The following HDAC2 variants were observed in gnomAD, a reference collection of about 807,000 sequenced individuals.
The protein encoded by HDAC2 is YY1-associated factor 1.
In HDAC2, 5 loss-of-function variants were observed where a neutral mutation model predicts 68.5. The ratio of observed to expected loss-of-function variants is 0.07; its 90% confidence interval spans 0.04 to 0.15. The LOEUF is 0.15. Ranked by LOEUF, HDAC2 falls within the 10% of genes least tolerant of loss-of-function variation. The probability of loss-of-function intolerance (pLI) is 1.00; values close to 1 mark genes in which losing one functional copy is unlikely to be tolerated. For missense variants in HDAC2, 291 were observed against 600.8 expected (o/e 0.48, Z 5.39); for synonymous variants, 182 against 191.3 (o/e 0.95, Z 0.40).
intron 1 of HDAC2, among the ~76,000 whole-genome samples, chr6:113,962,704 C>A (rs543730800): frequency 6.6e-6 from 1 of 152,214 alleles, no homozygotes; most frequent in Admixed American, 6.5e-5. Context: ...AGGCTCACAC[C>A]CGTAATCCCA....
chr6:113,970,484 G>A (rs764421134), intron 1 of HDAC2: 2 of 1,111,340 alleles, frequency 1.8e-6, no homozygotes, highest in East Asian at 6.0e-5. Flanking sequence ...CCAAACCTGC[G>A]TTGCCACGAA....
At chr6:113,957,561 A>G (rs2114609900) in intron 3 of HDAC2, among the ~76,000 whole-genome samples, 1 of 151,802 alleles carries the variant, frequency 6.6e-6, no homozygotes, top group Middle Eastern at 3.4e-3. Context: ...GGCTCACTGC[A>G]ACCTCCACCT....
chr6:113,971,129 C>T lies in HDAC2; in HGVS notation c.-221G>A. 2 of 1,539,420 alleles carry T rather than the reference C, an allele frequency of 1.3e-6. No homozygotes were observed. The highest frequency in any genetic ancestry group is 1.8e-6 in the Non-Finnish European group (2 of 1,140,712). On this transcript the variant is annotated 5_prime_UTR_variant, in exon 1 of 14. Transcript: ENST00000519065. ...AGCTCGGAATCGGAGGTGGCAGCGGCACCAACTCGCGAGGAGGGGGCCACC... is the reference window on the plus strand; with the variant it reads ...AGCTCGGAATCGGAGGTGGCAGCGGTACCAACTCGCGAGGAGGGGGCCACC...
chr6:113,959,554 G>A (rs1208939459), intron 2 of HDAC2: 1 of 148,164 alleles, frequency 6.7e-6, no homozygotes, highest in African/African-American at 2.6e-5. Flanking sequence ...AACAGTCCCA[G>A]GTCAACTCTT....
chr6:113,944,626 G>A (rs749028462), intron 10 of HDAC2, among the ~76,000 whole-genome samples: 11 of 152,044 alleles, frequency 7.2e-5, no homozygotes, highest in African/African-American at 1.4e-4. Flanking sequence ...GCCTCTGCGC[G>A]TTAGGACTAC....
At chr6:113,942,750 AG>A (rs778637194) in intron 12 of HDAC2, among the ~76,000 whole-genome samples, 69 of 152,330 alleles carry the variant, frequency 4.5e-4, no homozygotes, top group Non-Finnish European at 7.5e-4. Context: ...GTCAGATGAA[AG>A]GTAACAGATT....
intron 1 of HDAC2, chr6:113,970,543 A>C: frequency 8.2e-7 from 1 of 1,224,232 alleles, no homozygotes. Context: ...CGCCGCCGCC[A>C]CCACCAAGGC....
At position 113,955,972 on chromosome 6, in the gene HDAC2, C is replaced by T. The variant is rs765847717; in HGVS notation, c.497+41G>A. ...TTTATTTATTGTGTTTTAATGAAAA[C>T]ACTTTATCACTGAAAAGAGTATCAA... is the stretch of plus-strand genomic sequence containing the variant. On this transcript the variant is annotated intron_variant, in intron 5 of 13. Transcript: ENST00000519065. 12 of 1,451,132 alleles carry T rather than the reference C, an allele frequency of 8.3e-6. No homozygotes were observed. In the East Asian group the frequency reaches 1.9e-4, roughly 23 times the overall value. The allele number at this position is 1,451,132 out of a possible 1,614,324, so 89.9% of individuals were successfully genotyped here.
At chr6:113,956,535 A>G in intron 4 of HDAC2, 84 bp downstream of exon 4, 1 of 927,122 alleles carries the variant, frequency 1.1e-6, no homozygotes, top group Non-Finnish European at 1.8e-6. Context: ...CACAATCATT[A>G]AAACTTCTGT....
intron 1 of HDAC2, among the ~76,000 whole-genome samples, chr6:113,961,515 T>C (rs1776683134): frequency 6.6e-6 from 1 of 152,076 alleles, no homozygotes; most frequent in Non-Finnish European, 1.5e-5. Context: ...CAATATAGAG[T>C]TTAGCAAAGC....
intron 1 of HDAC2, among the ~76,000 whole-genome samples, chr6:113,962,768 C>T (rs1431985372): frequency 6.6e-6 from 1 of 151,780 alleles, no homozygotes; most frequent in African/African-American, 2.4e-5. Context: ...TCGAGACCTT[C>T]CTGACAAACA....
chr6:113,949,327 A>G (rs1439674984), intron 6 of HDAC2, 67 bp from the exon 7 acceptor site: 44 of 977,668 alleles, frequency 4.5e-5, no homozygotes, highest in Non-Finnish European at 6.4e-5. Context: ...TTTGTTTACT[A>G]CATTTTGAAA....
rs779436136 is a variant in HDAC2 at position 113,970,968 on chromosome 6, T to TGCC, written c.-63_-61dup. 37 of 1,563,332 alleles carry TGCC rather than the reference T, an allele frequency of 2.4e-5. No individual in the cohort carries two copies. Among genetic ancestry groups the TGCC allele is most frequent in the African/African-American group, 1.6e-4 (12 of 73,734 alleles). On this transcript the variant is annotated 5_prime_UTR_variant, in exon 1 of 14. Coordinates refer to ENST00000519065, the MANE Select transcript of HDAC2 (RefSeq NM_001527.4). ...CTCCTGCTGCTGCTGCTGCTGCTGC[T>TGCC]GCCGCCGCGGCTCGGCCGGGAGAGA...
chr6:113,948,077 C>A (rs1776305100), intron 8 of HDAC2: 1 of 152,114 alleles, frequency 6.6e-6, no homozygotes, highest in South Asian at 2.1e-4. Context: ...TATTCTTACA[C>A]CCTAGAAGTT....
chr6:113,959,701 T>C (rs999785971), intron 2 of HDAC2: 1 of 346,064 alleles, frequency 2.9e-6, no homozygotes, highest in Non-Finnish European at 5.2e-6. Context: ...GGAACTTTTT[T>C]AAATGGTTAA....
In HDAC2 at chr6:113,950,584, C is replaced by T. The variant is rs562928473; in HGVS notation, c.640-1324G>A. Among the ~76,000 whole-genome samples, 180 of 151,188 alleles carry T rather than the reference C, an allele frequency of 1.2e-3. 1 individual carries two copies. Among genetic ancestry groups the T allele is most frequent in the African/African-American group, 4.0e-3 (164 of 41,196 alleles). On this transcript the variant is annotated intron_variant, in intron 6 of 13. Coordinates refer to ENST00000519065, the MANE Select transcript of HDAC2 (RefSeq NM_001527.4). ...ATTTTTTTTGCATTTTAAGTAGAGA[C>T]GGGGTTTCACCATATTGGTCAGGCT...
chr6:113,955,710 C>T (rs1032899614), intron 5 of HDAC2, among the ~76,000 whole-genome samples: 1 of 151,948 alleles, frequency 6.6e-6, no homozygotes, highest in African/African-American at 2.4e-5. Context: ...GGGGTTTTGC[C>T]ATGTTGCCTA....
chr6:113,936,107 G>A lies in HDAC2; in HGVS notation c.*4951C>T, dbSNP rs1399771857. ...CTGTGTTTTGCAGATGTAAAACTTA[G>A]AAATTAGTGTTATAATTCTTATAGG... On this transcript the variant is annotated 3_prime_UTR_variant, in exon 14 of 14. Transcript: ENST00000519065. The A allele has an allele frequency of 6.6e-6, 1 of 152,138 alleles. No homozygotes were observed. The highest frequency in any genetic ancestry group is 1.5e-5 in the Non-Finnish European group (1 of 68,024). 9.4% of individuals were successfully genotyped at this position (152,138 alleles called of 1,614,324 possible).
chr6:113,954,204 T>G (rs1051921176), intron 5 of HDAC2, among the ~76,000 whole-genome samples: 7 of 152,228 alleles, frequency 4.6e-5, no homozygotes, highest in African/African-American at 1.7e-4. Flanking sequence ...CATGTCATCC[T>G]TTTGAAGTAT....
Sources: allele counts gnomAD v4.1 joint callset (sites outside exome capture counted in the v4.1 genomes callset), GRCh38; gene constraint gnomAD v4.1.1; transcripts MANE v1.5; gene names NCBI Gene and HGNC (gene_info 2026-07-23, HGNC 2026-07-21).